Variants in WASF3 observed in about 807,000 individuals in gnomAD.
WASF3 encodes the protein actin-binding protein WASF3.
In WASF3, 11 loss-of-function variants were observed where a neutral mutation model predicts 46.6. The ratio of observed to expected loss-of-function variants is 0.24; its 90% CI spans 0.15 to 0.39. The LOEUF is 0.39. Among genes scored for constraint, WASF3 ranks in the 10% least tolerant of loss-of-function variants. The pLI is 1.00. For synonymous variants in WASF3, 242 were observed against 259.7 expected (o/e 0.93, Z 0.65); for missense variants, 576 against 669.8 (o/e 0.86, Z 1.55).
chr13:26,641,604 A>G lies in WASF3; in HGVS notation c.-10-657A>G, dbSNP rs193135611. On this transcript the variant is annotated intron_variant, in intron 2 of 9. Transcript: ENST00000335327. Reference sequence around the variant, plus strand: ...GAAAGGTAACTATATGTGAGAAAACAGGAATTAGGGAGAGATAAGGAAGAG... The same window carrying G: ...GAAAGGTAACTATATGTGAGAAAACGGGAATTAGGGAGAGATAAGGAAGAG... Among the ~76,000 whole-genome samples, 98 of 152,302 alleles carry G rather than the reference A, an allele frequency of 6.4e-4. 2 individuals are homozygous for G. Among genetic ancestry groups the G allele is most frequent in the Non-Finnish European group, 2.8e-4 (19 of 68,014 alleles).
At chr13:26,550,173 A>G in the WASF3 span, among the ~76,000 whole-genome samples, 5 of 152,198 alleles carry the variant, frequency 3.3e-5, no homozygotes, top group African/African-American at 4.8e-5. Context: ...GGATGAACAA[A>G]CTGGGGGAGG....
rs565249106 is a variant in WASF3, at chr13:26,560,506, T to TA, written c.-109+2694dup. ...AGATGAAATATATAACCCTGTATGT[T>TA]AAAAAAACCATTTCATGAATGCCTA... On this transcript the variant is annotated intron_variant, in intron 1 of 9. Coordinates refer to ENST00000335327, the MANE Select transcript of WASF3 (RefSeq NM_006646.6). 4.2e-4 allele frequency among the ~76,000 whole-genome samples: 64 copies of TA among 152,254 alleles called. 1 individual carries two copies. The South Asian group carries it at 5.8e-3, about 14-fold the overall frequency.
intron 1 of WASF3, among the ~76,000 whole-genome samples, chr13:26,558,612 C>A (rs1286141857): frequency 6.6e-6 from 1 of 152,198 alleles, no homozygotes; most frequent in Non-Finnish European, 1.5e-5. Context: ...GGCCCCTCTG[C>A]AAGGGAGAGT....
At chr13:26,591,099 C>T (rs1880279245) in intron 1 of WASF3, among the ~76,000 whole-genome samples, 2 of 151,324 alleles carry the variant, frequency 1.3e-5, no homozygotes, top group South Asian at 2.1e-4. Flanking sequence ...GTGGGCTGCT[C>T]TCTAGTGTGT....
intron 6 of WASF3, among the ~76,000 whole-genome samples, chr13:26,672,230 T>C (rs1035034169): frequency 4.6e-5 from 7 of 152,226 alleles, no homozygotes; most frequent in Non-Finnish European, 7.3e-5. Flanking sequence ...AAACTTTGTT[T>C]TGTTACCATG....
chr13:26,551,198 T>C, the WASF3 span, among the ~76,000 whole-genome samples: 1 of 152,238 alleles, frequency 6.6e-6, no homozygotes, highest in Non-Finnish European at 1.5e-5. Flanking sequence ...CTAAGTTTCC[T>C]GAGGCCTCTC....
At chr13:26,615,567 G>A (rs1052666642) in intron 2 of WASF3, among the ~76,000 whole-genome samples, 3 of 152,024 alleles carry the variant, frequency 2.0e-5, no homozygotes, top group African/African-American at 7.2e-5. Flanking sequence ...TCTGCCTCCC[G>A]AAGTGCTGGG....
chr13:26,621,130 G>GT (rs1463445358), intron 2 of WASF3, among the ~76,000 whole-genome samples: 1 of 152,150 alleles, frequency 6.6e-6, no homozygotes, highest in Non-Finnish European at 1.5e-5. Flanking sequence ...TGAGAATGGA[G>GT]TATTTCTAGT....
chr13:26,616,722 A>G (rs1281857193), intron 2 of WASF3, among the ~76,000 whole-genome samples: 1 of 152,160 alleles, frequency 6.6e-6, no homozygotes, highest in Non-Finnish European at 1.5e-5. Context: ...GGGGGGCTGT[A>G]CATGAGTCAA....
At chr13:26,649,464 C>T (rs1247847779) in intron 3 of WASF3, among the ~76,000 whole-genome samples, 1 of 152,160 alleles carries the variant, frequency 6.6e-6, no homozygotes, top group East Asian at 1.9e-4. Flanking sequence ...TCACTCCTGT[C>T]TACACAATAA....
At chr13:26,592,758 A>G (rs1005761958) in intron 1 of WASF3, among the ~76,000 whole-genome samples, 3 of 152,114 alleles carry the variant, frequency 2.0e-5, no homozygotes, top group Non-Finnish European at 2.9e-5. Context: ...CTCTCCCTCT[A>G]ATATGAAGAC....
chr13:26,597,074 C>T (rs1204986961), intron 1 of WASF3, among the ~76,000 whole-genome samples: 1 of 152,118 alleles, frequency 6.6e-6, no homozygotes, highest in Non-Finnish European at 1.5e-5. Context: ...TGGATGTACC[C>T]TCTGTTGACT....
intron 1 of WASF3, among the ~76,000 whole-genome samples, chr13:26,589,375 C>CA (rs1880224742): frequency 6.6e-6 from 1 of 152,104 alleles, no homozygotes. Flanking sequence ...AACAGGGTGT[C>CA]ATGTTGGGAA....
At chr13:26,636,586 C>G (rs537543325) in intron 2 of WASF3, among the ~76,000 whole-genome samples, 3 of 152,366 alleles carry the variant, frequency 2.0e-5, no homozygotes, top group East Asian at 3.9e-4. Context: ...CACCCATCTT[C>G]TGCGTCGATC....
chr13:26,614,411 C>A (rs577675504), intron 2 of WASF3, among the ~76,000 whole-genome samples: 1 of 152,164 alleles, frequency 6.6e-6, no homozygotes, highest in East Asian at 1.9e-4. Flanking sequence ...CCTGAAAATC[C>A]ATGGTTAAAG....
intron 1 of WASF3, among the ~76,000 whole-genome samples, chr13:26,592,140 T>C (rs1880322101): frequency 6.6e-6 from 1 of 151,916 alleles, no homozygotes; most frequent in South Asian, 2.1e-4. Flanking sequence ...AAGTTCATGA[T>C]ATCACCAATC....
rs569476117 is a variant in WASF3 at position 26,671,846 on chromosome 13, C to T, written c.423-26C>T. The T allele has an allele frequency of 8.8e-6, 13 of 1,482,444 alleles. No homozygotes were observed. In the African/African-American group the frequency reaches 1.7e-4, roughly 19 times the overall value. 91.8% of individuals were successfully genotyped at this position (1,482,444 alleles called of 1,614,324 possible). A position where few individuals can be genotyped will look rare whatever the true frequency, so the allele number is the denominator to read the frequency against. Reference sequence around the variant, plus strand: ...AAAGTCTCTAACAATCTTTTCTTCCCTGACTTACAATACATTGATTTGTAG... The same window carrying T: ...AAAGTCTCTAACAATCTTTTCTTCCTTGACTTACAATACATTGATTTGTAG... On this transcript the variant is annotated intron_variant, in intron 5 of 9. Transcript: ENST00000335327.
At chr13:26,616,720 G>C (rs1224495226) in intron 2 of WASF3, among the ~76,000 whole-genome samples, 1 of 152,056 alleles carries the variant, frequency 6.6e-6, no homozygotes, top group South Asian at 2.1e-4. Context: ...TTGGGGGGCT[G>C]TACATGAGTC....
chr13:26,659,658 A>C (rs1345426380), intron 3 of WASF3, among the ~76,000 whole-genome samples: 1 of 152,134 alleles, frequency 6.6e-6, no homozygotes, highest in Non-Finnish European at 1.5e-5. Context: ...GGGACAGGGT[A>C]GGATCAGGGC....
Sources: allele counts gnomAD v4.1 joint callset (sites outside exome capture counted in the v4.1 genomes callset), GRCh38; gene constraint gnomAD v4.1.1; transcripts MANE v1.5; gene names NCBI Gene and HGNC (gene_info 2026-07-23, HGNC 2026-07-21).